Variants in ADGRL3 observed in about 807,000 individuals in gnomAD.
The protein encoded by ADGRL3 is calcium-independent alpha-latrotoxin receptor 3.
ADGRL3 carries 62 observed loss-of-function variants against 153.5 expected under a neutral mutation model. The observed-to-expected ratio is 0.40, with a 90% CI of 0.33 to 0.50. ADGRL3 has a LOEUF of 0.50. Ranked by LOEUF, ADGRL3 falls within the 20% of genes least tolerant of loss-of-function variation. The probability of loss-of-function intolerance (pLI) is 0.47; values close to 1 mark genes in which losing one functional copy is unlikely to be tolerated. For missense variants in ADGRL3, 1,641 were observed against 1,859.4 expected (o/e 0.88, Z 2.16); for synonymous variants, 710 against 672.5 (o/e 1.06, Z -0.86).
At chr4:61,860,014 C>G (rs928796999) in intron 9 of ADGRL3, among the ~76,000 whole-genome samples, 2 of 152,022 alleles carry the variant, frequency 1.3e-5, no homozygotes, top group Non-Finnish European at 2.9e-5. Flanking sequence ...AATAAAAATC[C>G]TTATACTCAC....
intron 1 of ADGRL3, among the ~76,000 whole-genome samples, chr4:61,339,615 A>T (rs1364512307): frequency 6.6e-6 from 1 of 152,202 alleles, no homozygotes; most frequent in Non-Finnish European, 1.5e-5. Context: ...AAGAGACTTC[A>T]TATGTTTTTT....
intron 5 of ADGRL3, among the ~76,000 whole-genome samples, chr4:61,606,766 T>A (rs1367879214): frequency 1.3e-5 from 2 of 152,058 alleles, no homozygotes; most frequent in Non-Finnish European, 2.9e-5. Context: ...GCAAAATAAA[T>A]TCTTGCATTA....
chr4:61,620,680 C>CG (rs1560948010), intron 5 of ADGRL3, among the ~76,000 whole-genome samples: 2 of 113,702 alleles, frequency 1.8e-5, no homozygotes, highest in East Asian at 5.7e-4. Flanking sequence ...CTGGCTCTGT[C>CG]GCCAGGCTGG....
At chr4:62,019,011 A>G (rs142364262) in intron 21 of ADGRL3, among the ~76,000 whole-genome samples, 32 of 152,296 alleles carry the variant, frequency 2.1e-4, no homozygotes, top group African/African-American at 7.5e-4. Context: ...TTATCAGTGG[A>G]GCAGGAAAGT....
intron 21 of ADGRL3, among the ~76,000 whole-genome samples, chr4:62,006,434 G>A (rs1471010921): frequency 6.6e-6 from 1 of 151,978 alleles, no homozygotes; most frequent in Non-Finnish European, 1.5e-5. Flanking sequence ...AACTGTGGAG[G>A]TTTCACTTTT....
chr4:61,268,195 A>C (rs1441288962), intron 1 of ADGRL3, among the ~76,000 whole-genome samples: 2 of 151,610 alleles, frequency 1.3e-5, no homozygotes, highest in African/African-American at 4.8e-5. Flanking sequence ...CTTGGGGGGA[A>C]ATTTCTGTCT....
intron 17 of ADGRL3, among the ~76,000 whole-genome samples, chr4:61,966,046 C>A (rs1369885653): frequency 6.6e-6 from 1 of 151,978 alleles, no homozygotes; most frequent in Admixed American, 6.6e-5. Flanking sequence ...GCTTAAAATG[C>A]AATACATTTA....
intron 3 of ADGRL3, among the ~76,000 whole-genome samples, chr4:61,503,382 T>G (rs1207656117): frequency 2.0e-5 from 3 of 152,144 alleles, no homozygotes; most frequent in Non-Finnish European, 2.9e-5. Context: ...TTTTTTATAT[T>G]TCTTTGTCTG....
intron 2 of ADGRL3, among the ~76,000 whole-genome samples, chr4:61,447,489 A>G (rs1406538763): frequency 1.3e-5 from 2 of 152,198 alleles, no homozygotes; most frequent in Admixed American, 1.3e-4. Flanking sequence ...TTGACGAATT[A>G]TGAAAACATG....
In ADGRL3 at chr4:61,939,073, A is replaced by G. The variant is rs531877241; in HGVS notation, c.2419+3028A>G. Among the ~76,000 whole-genome samples the G allele has an allele frequency of 3.3e-5, 5 of 152,104 alleles. No individual in the cohort carries two copies. In the South Asian group the frequency reaches 8.3e-4, roughly 25 times the overall value. On this transcript the variant is annotated intron_variant, in intron 15 of 26. Coordinates refer to ENST00000683033, the MANE Select transcript of ADGRL3 (RefSeq NM_001387552.1). ...ACAATTTGAAAAAGTGTGTTAAAAG[A>G]CAATTCACTTCATAGAGGATTAGAT...
chr4:61,233,844 G>A (rs1751748546), intron 1 of ADGRL3, among the ~76,000 whole-genome samples: 1 of 152,044 alleles, frequency 6.6e-6, no homozygotes. Flanking sequence ...ATGTCTACTG[G>A]ATGTATAAGG....
chr4:61,732,632 G>A (rs2096460536), intron 7 of ADGRL3, 122 bp from the exon 8 acceptor site: 1 of 487,808 alleles, frequency 2.0e-6, no homozygotes, highest in Non-Finnish European at 3.4e-6. Flanking sequence ...AAAGAATGCA[G>A]CAAAATAAGT....
intron 2 of ADGRL3, among the ~76,000 whole-genome samples, chr4:61,459,880 T>C (rs2097790479): frequency 6.6e-6 from 1 of 152,166 alleles, no homozygotes; most frequent in South Asian, 2.1e-4. Flanking sequence ...TGTTGGTCAT[T>C]TGTATGCTGT....
intron 9 of ADGRL3, among the ~76,000 whole-genome samples, chr4:61,864,765 A>C (rs2098383704): frequency 6.6e-6 from 1 of 152,222 alleles, no homozygotes; most frequent in Non-Finnish European, 1.5e-5. Flanking sequence ...CCAACTGAGA[A>C]AAAATAGTGT....
At chr4:61,567,142 C>A (rs1170787646) in intron 4 of ADGRL3, among the ~76,000 whole-genome samples, 1 of 152,158 alleles carries the variant, frequency 6.6e-6, no homozygotes, top group Non-Finnish European at 1.5e-5. Flanking sequence ...AGTTCATCAG[C>A]TCTGTAATTT....
intron 8 of ADGRL3, among the ~76,000 whole-genome samples, chr4:61,798,598 GTTTATTTA>G (rs10548703): frequency 2.9e-4 from 43 of 150,510 alleles, no homozygotes; most frequent in South Asian, 1.0e-3. Flanking sequence ...TTATTTGTTT[GTTTATTTA>G]TTTATTTATT....
At chr4:61,287,906 AT>A (rs1373391630) in intron 1 of ADGRL3, among the ~76,000 whole-genome samples, 1 of 151,982 alleles carries the variant, frequency 6.6e-6, no homozygotes, top group Non-Finnish European at 1.5e-5. Context: ...ACTCATGGTC[AT>A]TGAGACTATC....
intron 1 of ADGRL3, among the ~76,000 whole-genome samples, chr4:61,335,439 T>C (rs1402586108): frequency 1.3e-5 from 2 of 152,208 alleles, no homozygotes; most frequent in East Asian, 1.9e-4. Flanking sequence ...AGCACAATTA[T>C]AAATGCATGA....
Position 61,895,818 on chromosome 4 carries a change from A to G in ADGRL3, c.1871A>G (p.Asn624Ser), listed in dbSNP as rs546735293. ...AGCAACTGTTCTTCTCCTTGGGTCA[A>G]TCATATAACACAGAAGGTAAATCTT... ...DLSNCSSPWVNHITQKLKSGE... is the reference protein window; with the variant it reads ...DLSNCSSPWVSHITQKLKSGE... Residue 624 changes from asparagine (N) to serine (S), a missense_variant, in exon 11 of 27, where the codon AAT becomes AGT. By Grantham distance (46) the Asn-to-Ser change is conservative. This residue lies in a region of ADGRL3 where 734 missense variants were observed against 797.0 expected (regional missense o/e 0.92). Coordinates refer to ENST00000683033, the MANE Select transcript of ADGRL3 (RefSeq NM_001387552.1). The G allele has an allele frequency of 7.4e-5, 118 of 1,585,460 alleles. No homozygotes were observed. The South Asian group carries it at 1.1e-3, about 15-fold the overall frequency.
Sources: gnomAD v4.1 joint callset for allele counts (sites outside exome capture counted in the v4.1 genomes callset) on GRCh38, gnomAD v4.1.1 for gene constraint, gnomAD v4.1.1 regional missense constraint, MANE v1.5 for transcripts, NCBI Gene and HGNC (gene_info 2026-07-23, HGNC 2026-07-21) for gene names.